AMPD1: variants seen among roughly 807,000 people sequenced by gnomAD.
AMPD1 encodes the protein adenosine monophosphate deaminase 1.
Under a neutral mutation model 82.9 loss-of-function variants are expected in AMPD1, and 74 were observed. The ratio of observed to expected loss-of-function variants is 0.89; its 90% CI spans 0.74 to 1.08. AMPD1 has a LOEUF of 1.08. Among genes scored for constraint, AMPD1 ranks in the 50% least tolerant of loss-of-function variants. The pLI, the probability that AMPD1 is intolerant of heterozygous loss-of-function variation, is 0.00. For synonymous variants in AMPD1, 333 were observed against 320.5 expected, an observed-to-expected ratio of 1.04 and a Z score of -0.42; for missense variants, 881 against 924.5, an observed-to-expected ratio of 0.95 and a Z score of 0.61.
At chr1:114,682,914 A>G (rs1557971776) in intron 5 of AMPD1, among the ~76,000 whole-genome samples, 1 of 152,198 alleles carries the variant, frequency 6.6e-6, no homozygotes, top group Non-Finnish European at 1.5e-5. Flanking sequence ...CAGAAATTTT[A>G]GTTCTAGGAG....
intron 3 of AMPD1, among the ~76,000 whole-genome samples, chr1:114,687,639 G>A (rs1439259303): frequency 1.3e-5 from 2 of 152,126 alleles, no homozygotes; most frequent in Non-Finnish European, 1.5e-5. Flanking sequence ...TGAGGTTTGG[G>A]GACTAAAGTG....
chr1:114,679,780 T>C, intron 6 of AMPD1, 72 bp from the exon 7 acceptor site: 22 of 1,519,830 alleles, frequency 1.4e-5, no homozygotes, highest in Non-Finnish European at 1.7e-5. Flanking sequence ...ATTTCAAAAC[T>C]ATCAGGACCT....
At chr1:114,679,167 G>C (rs1419544455) in intron 7 of AMPD1, among the ~76,000 whole-genome samples, 1 of 152,154 alleles carries the variant, frequency 6.6e-6, no homozygotes, top group Admixed American at 6.5e-5. Context: ...ACGTGAACTG[G>C]ATTGTGCAGG....
chr1:114,689,619 C>T (rs1466958331), intron 2 of AMPD1, among the ~76,000 whole-genome samples: 1 of 152,136 alleles, frequency 6.6e-6, no homozygotes, highest in Admixed American at 6.6e-5. Flanking sequence ...GAGTTCGAGA[C>T]CAGCCTGGCC....
At chr1:114,682,097 T>A (rs1658175467) in intron 5 of AMPD1, among the ~76,000 whole-genome samples, 3 of 152,162 alleles carry the variant, frequency 2.0e-5, no homozygotes, top group Admixed American at 2.0e-4. Flanking sequence ...CCTTTAAGAA[T>A]TCATCCTTTT....
intron 2 of AMPD1, among the ~76,000 whole-genome samples, chr1:114,692,894 A>G (rs1481818259): frequency 6.6e-6 from 1 of 151,366 alleles, no homozygotes; most frequent in East Asian, 2.0e-4. Context: ...GCACTTTGTG[A>G]GGCTGAAGCG....
intron 13 of AMPD1, 143 bp from the exon 14 acceptor site, chr1:114,674,225 T>C (rs964175391): frequency 2.4e-5 from 18 of 747,096 alleles, no homozygotes; most frequent in Non-Finnish European, 3.5e-5. Flanking sequence ...AAGGAGAATT[T>C]AGGAGTTTTT....
In AMPD1 at chr1:114,674,037, C is replaced by G. The variant is rs138019598; in HGVS notation, c.1846G>C (p.Ala616Pro). The G allele has an allele frequency of 6.2e-7, 1 of 1,613,774 alleles. No homozygotes were observed. The highest frequency in any genetic ancestry group is 8.5e-7 in the Non-Finnish European group (1 of 1,179,910). Residue 616 changes from alanine to proline, a missense_variant, in exon 14 of 16, where the codon GCC becomes CCC. By Grantham distance (27) the Ala-to-Pro change is conservative. Coordinates refer to ENST00000520113, the MANE Select transcript of AMPD1 (RefSeq NM_000036.3). ...CTATTGTTACTTAGTGGTGACATGGCGATGGGAATTTGGGCTAAGAAAAAC... is the reference window on the plus strand; with the variant it reads ...CTATTGTTACTTAGTGGTGACATGGGGATGGGAATTTGGGCTAAGAAAAAC... ...YLFFLAQIPI[A>P]MSPLSNNSLF...
At chr1:114,693,689 C>T (rs146910232) in intron 1 of AMPD1, among the ~76,000 whole-genome samples, 3 of 152,212 alleles carry the variant, frequency 2.0e-5, no homozygotes, top group Non-Finnish European at 4.4e-5. Context: ...TTAAAAGGCA[C>T]TCTCTATAAA....
intron 1 of AMPD1, among the ~76,000 whole-genome samples, chr1:114,695,177 G>A (rs963484550): frequency 6.6e-6 from 1 of 152,038 alleles, no homozygotes; most frequent in Non-Finnish European, 1.5e-5. Context: ...TAGACTAGCA[G>A]AATAGATATT....
chr1:114,677,786 TTTCCCTCTCTCCCTCC>T (rs1001376319), intron 9 of AMPD1, 108 bp downstream of exon 9: 3 of 486,292 alleles, frequency 6.2e-6, no homozygotes, highest in Non-Finnish European at 1.2e-5. Context: ...TCCTTCCTTC[TTTCCCTCTCTCCCTCC>T]TTCCTTCCTT....
intron 3 of AMPD1, among the ~76,000 whole-genome samples, chr1:114,687,396 T>A (rs946665337): frequency 6.6e-6 from 1 of 152,216 alleles, no homozygotes; most frequent in Non-Finnish European, 1.5e-5. Context: ...ATAAGGTATT[T>A]AATATTATTT....
intron 9 of AMPD1, 64 bp downstream of exon 9, chr1:114,677,843 TTCC>T (rs1658044433): frequency 7.5e-7 from 1 of 1,337,434 alleles, no homozygotes; most frequent in African/African-American, 1.5e-5. Flanking sequence ...CCTTCCTTCC[TTCC>T]TTCCTTCTTC....
chr1:114,691,147 C>T (rs1658504119), intron 2 of AMPD1, among the ~76,000 whole-genome samples: 1 of 152,172 alleles, frequency 6.6e-6, no homozygotes, highest in South Asian at 2.1e-4. Context: ...TACATGATGA[C>T]CAGAAATTAT....
intron 2 of AMPD1, among the ~76,000 whole-genome samples, chr1:114,691,491 C>T (rs1288836107): frequency 6.6e-6 from 1 of 151,794 alleles, no homozygotes; most frequent in Non-Finnish European, 1.5e-5. Flanking sequence ...TCGTTTGAGC[C>T]CAGAAGGTTG....
At chr1:114,679,503 T>C (rs1658090006) in intron 7 of AMPD1, 76 bp downstream of exon 7, 2 of 1,569,834 alleles carry the variant, frequency 1.3e-6, no homozygotes, top group Admixed American at 1.7e-5. Context: ...AGAAACACAC[T>C]CTTTTCTTGT....
At chr1:114,685,404 T>A (rs1196159769) in intron 4 of AMPD1, among the ~76,000 whole-genome samples, 1 of 152,214 alleles carries the variant, frequency 6.6e-6, no homozygotes, top group Non-Finnish European at 1.5e-5. Flanking sequence ...CAGGAATTAA[T>A]AATCTTGAGA....
chr1:114,693,177 C>T (rs1335117226), intron 2 of AMPD1, among the ~76,000 whole-genome samples: 1 of 145,792 alleles, frequency 6.9e-6, no homozygotes, highest in Non-Finnish European at 1.5e-5. Flanking sequence ...AGTAAAAGCA[C>T]TGCATGAGGT....
intron 2 of AMPD1, among the ~76,000 whole-genome samples, chr1:114,692,125 A>G (rs1054255183): frequency 6.6e-6 from 1 of 152,180 alleles, no homozygotes; most frequent in Non-Finnish European, 1.5e-5. Flanking sequence ...TACTGTCCAG[A>G]AGTTGGAGAT....
Sources: allele counts gnomAD v4.1 joint callset (sites outside exome capture counted in the v4.1 genomes callset), GRCh38; gene constraint gnomAD v4.1.1; transcripts MANE v1.5; gene names NCBI Gene and HGNC (gene_info 2026-07-23, HGNC 2026-07-21).